The following MTCL1 variants were observed in gnomAD, a reference collection of about 807,000 sequenced individuals.
MTCL1 encodes the protein microtubule crosslinking factor 1.
Under a neutral mutation model 141.4 loss-of-function variants are expected in MTCL1, and 79 were observed. That is an observed-to-expected ratio of 0.56 (90% CI 0.47 to 0.67). MTCL1 has a LOEUF of 0.67. Among genes scored for constraint, MTCL1 ranks in the 30% least tolerant of loss-of-function variants. MTCL1 has a pLI of 0.00. For synonymous variants in MTCL1, 914 were observed against 875.8 expected, an observed-to-expected ratio of 1.04 and a Z score of -0.77; for missense variants, 2,177 against 2,113.9, an observed-to-expected ratio of 1.03 and a Z score of -0.59.
chr18:8,732,949 G>A (rs2148875060), intron 4 of MTCL1, among the ~76,000 whole-genome samples: 1 of 152,394 alleles, frequency 6.6e-6, no homozygotes, highest in East Asian at 1.9e-4. Flanking sequence ...GTTGGCATTT[G>A]AACGTAGACA....
chr18:8,804,666 A>C (rs1005858178), intron 10 of MTCL1, among the ~76,000 whole-genome samples: 1 of 152,196 alleles, frequency 6.6e-6, no homozygotes, highest in Non-Finnish European at 1.5e-5. Context: ...AAAAAGAGCA[A>C]TAAATATGAA....
chr18:8,778,964 C>G (rs982318438), intron 5 of MTCL1, among the ~76,000 whole-genome samples: 4 of 152,210 alleles, frequency 2.6e-5, no homozygotes, highest in Non-Finnish European at 4.4e-5. Context: ...GTCAGAAACC[C>G]TGGTACCTGG....
intron 1 of MTCL1, among the ~76,000 whole-genome samples, chr18:8,710,328 CAG>C (rs772633569): frequency 2.3e-4 from 10 of 44,324 alleles, no homozygotes; most frequent in Non-Finnish European, 3.6e-4. Flanking sequence ...TGTGAAAACA[CAG>C]ACAGAAAAGC....
At chr18:8,755,320 A>G (rs1228543388) in intron 4 of MTCL1, among the ~76,000 whole-genome samples, 1 of 152,136 alleles carries the variant, frequency 6.6e-6, no homozygotes, top group African/African-American at 2.4e-5. Flanking sequence ...TTGAAATGAA[A>G]ATGACCACAT....
chr18:8,732,132 C>T (rs1199983461), intron 4 of MTCL1, among the ~76,000 whole-genome samples: 5 of 152,098 alleles, frequency 3.3e-5, no homozygotes, highest in South Asian at 4.2e-4. Flanking sequence ...GACAGGGTCT[C>T]GCTCTGTTGC....
intron 4 of MTCL1, among the ~76,000 whole-genome samples, chr18:8,744,605 ATTTTC>A (rs2096325079): frequency 6.6e-6 from 1 of 151,190 alleles, no homozygotes; most frequent in African/African-American, 2.4e-5. Context: ...TCTGTTTTTA[ATTTTC>A]TTTTCTTTTC....
upstream of MTCL1, among the ~76,000 whole-genome samples, chr18:8,712,763 T>G (rs2096101810): frequency 6.6e-6 from 1 of 152,120 alleles, no homozygotes; most frequent in African/African-American, 2.4e-5. Context: ...GGAGAACATT[T>G]CCCTTGTCTG....
chr18:8,738,976 G>A (rs747074870), intron 4 of MTCL1, among the ~76,000 whole-genome samples: 8 of 152,168 alleles, frequency 5.3e-5, no homozygotes, highest in Admixed American at 3.3e-4. Flanking sequence ...GGTGGAGCAC[G>A]CCTGTAATCC....
At chr18:8,766,233 G>C (rs768359373) in intron 4 of MTCL1, among the ~76,000 whole-genome samples, 20 of 152,246 alleles carry the variant, frequency 1.3e-4, no homozygotes, top group Admixed American at 6.5e-5. Context: ...TTTCAGCAGG[G>C]TGTGCCAAAG....
chr18:8,746,531 C>T (rs1239065656), intron 4 of MTCL1, among the ~76,000 whole-genome samples: 1 of 152,226 alleles, frequency 6.6e-6, no homozygotes, highest in African/African-American at 2.4e-5. Context: ...GGATTTGAAT[C>T]TAGAAACCCT....
intron 4 of MTCL1, among the ~76,000 whole-genome samples, chr18:8,767,189 C>T (rs1427415371): frequency 6.6e-6 from 1 of 152,234 alleles, no homozygotes; most frequent in Non-Finnish European, 1.5e-5. Flanking sequence ...GTATTGTGCC[C>T]TGGGGCTTAG....
intron 1 of MTCL1, among the ~76,000 whole-genome samples, chr18:8,708,053 T>TA (rs2096067477): frequency 6.6e-6 from 1 of 152,220 alleles, no homozygotes; most frequent in Non-Finnish European, 1.5e-5. Flanking sequence ...TCTTAGGTAA[T>TA]AGACAACGGA....
At chr18:8,786,345 T>C (rs1220182011) in intron 7 of MTCL1, 1 of 677,032 alleles carries the variant, frequency 1.5e-6, no homozygotes, top group East Asian at 2.9e-5. Flanking sequence ...CACCTCCTGT[T>C]TCCGCAGACC....
chr18:8,706,606 C>T (rs887380986), exon 1 of MTCL1: 3 of 1,532,284 alleles, frequency 2.0e-6, no homozygotes, highest in African/African-American at 2.8e-5. Flanking sequence ...CCCCGGGACC[C>T]CCAAGGAGCC....
At position 8,784,585 on chromosome 18, in the gene MTCL1, G is replaced by A. The variant is rs115241522; in HGVS notation, c.1473G>A (p.Pro491=). The A allele has an allele frequency of 9.3e-5, 150 of 1,610,930 alleles. No individual in the cohort carries two copies. The East Asian group carries it at 2.4e-3, about 26-fold the overall frequency. Residue 491 remains proline (P), a synonymous_variant, in exon 6 of 17, where the codon CCG becomes CCA. Coordinates refer to ENST00000359865, the Ensembl canonical transcript of MTCL1. ...GGCTGCGGGGTGGTGCGCCCTTACC[G>A]GGGCCTGGCCTCCAGGGCGAAGAGG...
chr18:8,730,985 C>T (rs2096247233), intron 4 of MTCL1, among the ~76,000 whole-genome samples: 2 of 152,200 alleles, frequency 1.3e-5, no homozygotes, highest in Non-Finnish European at 2.9e-5. Context: ...TGGCTCACGT[C>T]TGTTTTCCCA....
At chr18:8,788,261 T>G (rs753507379) in intron 7 of MTCL1, among the ~76,000 whole-genome samples, 6 of 152,144 alleles carry the variant, frequency 3.9e-5, no homozygotes, top group Non-Finnish European at 7.3e-5. Flanking sequence ...CCCTTCTACA[T>G]TTCCCTTGAA....
chr18:8,796,652 A>G (rs530204711), intron 9 of MTCL1, among the ~76,000 whole-genome samples, 190 bp downstream of exon 8: 60 of 152,376 alleles, frequency 3.9e-4, no homozygotes, highest in Middle Eastern at 3.4e-3. Context: ...AAAATTGAGC[A>G]CAGGTGACTG....
chr18:8,825,512 G>A (rs377635610), exon 15 of MTCL1: 57 of 1,612,034 alleles, frequency 3.5e-5, no homozygotes, highest in Non-Finnish European at 4.7e-5. Context: ...CTGAAGCCCT[G>A]CGTGGCAGCG....
Sources: allele counts gnomAD v4.1 joint callset (sites outside exome capture counted in the v4.1 genomes callset), GRCh38; gene constraint gnomAD v4.1.1; transcripts MANE v1.5; gene names NCBI Gene and HGNC (gene_info 2026-07-23, HGNC 2026-07-21).